The following MVB12B variants were observed in gnomAD, a reference collection of about 807,000 sequenced individuals.
The protein encoded by MVB12B is ESCRT-I complex subunit MVB12B.
A neutral mutation model predicts 41.6 loss-of-function variants in MVB12B; 16 were observed. That is an observed-to-expected ratio of 0.38 (90% CI 0.26 to 0.58). The LOEUF is 0.58. MVB12B is among the 20% of genes least tolerant of loss of function. The probability of loss-of-function intolerance (pLI) is 0.62; values close to 1 mark genes in which losing one functional copy is unlikely to be tolerated. For missense variants in MVB12B, 274 were observed against 380.2 expected, an observed-to-expected ratio of 0.72 and a Z score of 2.32; for synonymous variants, 133 against 139.7, an observed-to-expected ratio of 0.95 and a Z score of 0.34.
chr9:126,459,786 C>A lies in MVB12B; in HGVS notation c.758-21583C>A, dbSNP rs1833052354. Among the ~76,000 whole-genome samples the A allele has an allele frequency of 6.6e-6, 1 of 152,124 alleles. No homozygotes were observed. The highest frequency in any genetic ancestry group is 1.5e-5 in the Non-Finnish European group (1 of 68,006). On this transcript the variant is annotated intron_variant, in intron 7 of 9. Coordinates refer to ENST00000361171, the MANE Select transcript of MVB12B (RefSeq NM_033446.3). This position sits in a 1 kb window ranked among gnomAD's most constrained non-coding sequence, Gnocchi z 4.3. The stretch of plus-strand genomic sequence containing the variant: ...TCCTTGCCTGCCCCGCTCACTTGGA[C>A]CTGCCACTCTCCCACAGGGGCCGCT...
intron 7 of MVB12B, among the ~76,000 whole-genome samples, chr9:126,464,276 A>G (rs928938547): frequency 1.2e-4 from 18 of 152,210 alleles, no homozygotes; most frequent in African/African-American, 4.3e-4. Flanking sequence ...GGTATATAGG[A>G]AAGGACTCTC....
intron 1 of MVB12B, among the ~76,000 whole-genome samples, chr9:126,330,338 TA>T (rs752021532): frequency 1.9e-4 from 29 of 150,820 alleles, no homozygotes; most frequent in South Asian, 6.3e-4. Context: ...CACACACACT[TA>T]AAAAAAACAG....
chr9:126,370,935 C>CTCCACATT (rs1349102276), intron 2 of MVB12B, among the ~76,000 whole-genome samples: 1 of 152,180 alleles, frequency 6.6e-6, no homozygotes, highest in East Asian at 1.9e-4. Flanking sequence ...CATAAATATA[C>CTCCACATT]TCCACATTTT....
intron 6 of MVB12B, among the ~76,000 whole-genome samples, chr9:126,399,575 G>C (rs1386544700): frequency 1.3e-5 from 2 of 152,228 alleles, no homozygotes; most frequent in African/African-American, 4.8e-5. Flanking sequence ...GTCACATGCA[G>C]GGCGTCACCT....
chr9:126,492,549 C>G (rs1833755755), intron 9 of MVB12B, among the ~76,000 whole-genome samples: 1 of 152,156 alleles, frequency 6.6e-6, no homozygotes, highest in Non-Finnish European at 1.5e-5. Flanking sequence ...TTTTTAATCT[C>G]TGCTTATTTT....
intron 7 of MVB12B, among the ~76,000 whole-genome samples, chr9:126,453,027 C>T (rs1832913261): frequency 6.6e-6 from 1 of 152,038 alleles, no homozygotes; most frequent in African/African-American, 2.4e-5. Context: ...ACAAGCCCCT[C>T]ACCTTCTTTG....
At chr9:126,357,216 G>A (rs1428267957) in intron 2 of MVB12B, among the ~76,000 whole-genome samples, 2 of 152,130 alleles carry the variant, frequency 1.3e-5, no homozygotes, top group Non-Finnish European at 2.9e-5. Flanking sequence ...TGTTTAATGA[G>A]TAGTGCTCTG....
At chr9:126,434,837 T>A (rs1832426978) in intron 7 of MVB12B, among the ~76,000 whole-genome samples, 1 of 152,182 alleles carries the variant, frequency 6.6e-6, no homozygotes, top group South Asian at 2.1e-4. Context: ...AGAAAGGAGA[T>A]CCATCTCTGG....
intron 3 of MVB12B, among the ~76,000 whole-genome samples, chr9:126,384,766 C>T (rs746641170): frequency 7.9e-5 from 12 of 151,570 alleles, no homozygotes; most frequent in Admixed American, 1.3e-4. Context: ...CTCCTGACCT[C>T]AAGTGATCCA....
rs1833237339 is a variant in MVB12B, at chr9:126,468,221, T to G, written c.758-13148T>G. 6.6e-6 allele frequency among the ~76,000 whole-genome samples: 1 copy of G among 152,158 alleles called. No homozygotes were observed. The highest frequency in any genetic ancestry group is 6.5e-5 in the Admixed American group (1 of 15,282). Reference sequence around the variant, plus strand: ...TTTCATCTTCTCTCATGGTCTCAATTATCACCATGCTGGTTACTTCCAAAC... The same window carrying G: ...TTTCATCTTCTCTCATGGTCTCAATGATCACCATGCTGGTTACTTCCAAAC... On this transcript the variant is annotated intron_variant, in intron 7 of 9. Coordinates refer to ENST00000361171, the MANE Select transcript of MVB12B (RefSeq NM_033446.3). The surrounding 1 kb of genome is among the most constrained non-coding windows in gnomAD (Gnocchi z 4.3).
intron 2 of MVB12B, among the ~76,000 whole-genome samples, chr9:126,363,136 G>A (rs374922242): frequency 2.4e-4 from 36 of 151,748 alleles, no homozygotes; most frequent in East Asian, 9.7e-4. Context: ...GCAGTGAGCC[G>A]AGATTACACC....
chr9:126,502,434 G>A (rs895793359), intron 9 of MVB12B, among the ~76,000 whole-genome samples: 12 of 152,328 alleles, frequency 7.9e-5, no homozygotes, highest in African/African-American at 2.4e-4. Context: ...CTTGGAACGC[G>A]ATTTAGTGAG....
chr9:126,446,290 G>A (rs1021473342), intron 7 of MVB12B, among the ~76,000 whole-genome samples: 2 of 151,858 alleles, frequency 1.3e-5, no homozygotes, highest in Non-Finnish European at 2.9e-5. Flanking sequence ...GAAAGTTATT[G>A]TTATATTTCT....
Position 126,386,394 on chromosome 9 carries a change from G to T in MVB12B, c.313-168G>T, listed in dbSNP as rs1471979236. ...AAACTCCTTCCCAGGGGCCACACGA[G>T]TCCCTGCATAACCACTGGGGACCAT... On this transcript the variant is annotated intron_variant, in intron 3 of 9. Coordinates refer to ENST00000361171, the MANE Select transcript of MVB12B (RefSeq NM_033446.3). This position sits in a 1 kb window ranked among gnomAD's most constrained non-coding sequence, Gnocchi z 4.3. 1.3e-5 allele frequency among the ~76,000 whole-genome samples: 2 copies of T among 152,208 alleles called. No homozygotes were observed. The highest frequency in any genetic ancestry group is 1.3e-4 in the Admixed American group (2 of 15,276).
intron 7 of MVB12B, among the ~76,000 whole-genome samples, chr9:126,439,580 A>T (rs897383165): frequency 1.3e-5 from 2 of 152,226 alleles, no homozygotes; most frequent in Middle Eastern, 3.2e-3. Flanking sequence ...AAGAAATGTG[A>T]CTCAGAGCCT....
chr9:126,485,714 G>A (rs1260694778), intron 9 of MVB12B, among the ~76,000 whole-genome samples: 1 of 152,084 alleles, frequency 6.6e-6, no homozygotes, highest in Non-Finnish European at 1.5e-5. Flanking sequence ...TCATAAGCTG[G>A]AACACATCTG....
chr9:126,503,128 A>G lies in MVB12B; in HGVS notation c.874-49A>G, dbSNP rs182208405. 2.7e-4 allele frequency: 395 copies of G among 1,462,508 alleles called. 3 individuals carry two copies. The African/African-American group carries it at 4.8e-3, about 18-fold the overall frequency. 90.6% of individuals were successfully genotyped at this position (1,462,508 alleles called of 1,614,324 possible). On this transcript the variant is annotated intron_variant, in intron 9 of 9. Transcript: ENST00000361171. ...TCTGAGGCTGTGGAGGGGTTTCCCT[A>G]GTGTCCCATGGACTGACTGTGTCTC...
In MVB12B at chr9:126,480,369, C is replaced by T. The variant is rs1468334761; in HGVS notation, c.758-1000C>T. ...CTCTGTGAATGCCGGCATCACGTCT[C>T]GTCCAGTGTGACCTGTTCCTCAATG... is the stretch of plus-strand genomic sequence containing the variant. On this transcript the variant is annotated intron_variant, in intron 7 of 9. Transcript: ENST00000361171. This position sits in a 1 kb window ranked among gnomAD's most constrained non-coding sequence, Gnocchi z 4.9. 2.6e-5 allele frequency among the ~76,000 whole-genome samples: 4 copies of T among 152,214 alleles called. No individual in the cohort carries two copies. In the East Asian group the frequency reaches 5.8e-4, roughly 22 times the overall value.
chr9:126,500,825 T>C (rs1833940035), intron 9 of MVB12B, among the ~76,000 whole-genome samples: 1 of 152,180 alleles, frequency 6.6e-6, no homozygotes, highest in South Asian at 2.1e-4. Context: ...CGAATCTGCT[T>C]TCAAGATGTG....
Sources: allele counts gnomAD v4.1 joint callset (sites outside exome capture counted in the v4.1 genomes callset), GRCh38; gene constraint gnomAD v4.1.1; non-coding constraint Gnocchi (gnomAD v3.1); transcripts MANE v1.5; gene names NCBI Gene and HGNC (gene_info 2026-07-23, HGNC 2026-07-21).